Variants in ARHGAP28 observed in about 807,000 individuals in gnomAD.
The protein encoded by ARHGAP28 is rho GTPase-activating protein 28.
Under a neutral mutation model 90.7 loss-of-function variants are expected in ARHGAP28, and 56 were observed. The observed-to-expected ratio is 0.62, with a 90% CI of 0.50 to 0.77. ARHGAP28 has a LOEUF of 0.77. Among genes scored for constraint, ARHGAP28 ranks in the 30% least tolerant of loss-of-function variants. The pLI is 0.00. For synonymous variants in ARHGAP28, 308 were observed against 323.3 expected, an observed-to-expected ratio of 0.95 and a Z score of 0.51; for missense variants, 869 against 900.9, an observed-to-expected ratio of 0.96 and a Z score of 0.45.
chr18:6,740,557 C>A (rs377406993), intron 1 of ARHGAP28, among the ~76,000 whole-genome samples: 69 of 152,180 alleles, frequency 4.5e-4, no homozygotes, highest in Middle Eastern at 6.8e-3. Flanking sequence ...AGGCTCTGGG[C>A]CCTTGTGTTA....
At position 6,729,929 on chromosome 18, in the gene ARHGAP28, C is replaced by T; in HGVS notation, c.108C>T (p.Ser36=). The change falls in exon 1 of 18, where the codon AGC becomes AGT. Residue 36 remains serine, a synonymous_variant. Transcript: ENST00000383472. The stretch of plus-strand genomic sequence containing the variant: ...GCTGCGCGCCCCGCGCCGCAGCCAG[C>T]CACCCGCTCAGCAGGTACCCGGAGC... ...ESRCAPRAAA[S]HPLSRKSIPR... is the part of the protein sequence containing the mutation. The T allele has an allele frequency of 7.2e-7, 1 of 1,391,068 alleles. No individual in the cohort carries two copies. The highest frequency in any genetic ancestry group is 3.1e-5 in the East Asian group (1 of 32,530). The allele number at this position is 1,391,068 out of a possible 1,614,324, so 86.2% of individuals were successfully genotyped here. A position where few individuals can be genotyped will look rare whatever the true frequency, so the allele number is the denominator to read the frequency against.
rs372545858 is a variant in ARHGAP28 at position 6,868,241 on chromosome 18, G to A, written c.811+7G>A. ...GTTCAGAATGCGATAAGTGGTGAGC[G>A]GCATGCCTCCTGTTGAACTTCAGCT... On this transcript the variant is annotated splice_region_variant and intron_variant, in intron 6 of 17. Transcript: ENST00000383472. The A allele has an allele frequency of 1.1e-4, 182 of 1,612,698 alleles. No individual in the cohort carries two copies. The highest frequency in any genetic ancestry group is 1.5e-4 in the Non-Finnish European group (172 of 1,178,940).
chr18:6,827,572 CGACT>C (rs2056679154), intron 2 of ARHGAP28, among the ~76,000 whole-genome samples: 1 of 137,542 alleles, frequency 7.3e-6, no homozygotes, highest in African/African-American at 2.8e-5. Context: ...CCGGACGGGG[CGACT>C]GGCTGGGTGG....
intron 1 of ARHGAP28, among the ~76,000 whole-genome samples, chr18:6,778,660 A>G: frequency 6.6e-6 from 1 of 152,110 alleles, no homozygotes; most frequent in East Asian, 1.9e-4. Flanking sequence ...ATTGCTGAGG[A>G]TTTTCAACAG....
At chr18:6,898,821 G>A in intron 16 of ARHGAP28, 1 of 1,058,794 alleles carries the variant, frequency 9.4e-7, no homozygotes, top group Admixed American at 4.6e-5. Context: ...ACTCGTAAGT[G>A]GGAGCTAAGC....
At chr18:6,863,617 A>ATGT (rs2057014624) in intron 5 of ARHGAP28, among the ~76,000 whole-genome samples, 1 of 151,786 alleles carries the variant, frequency 6.6e-6, no homozygotes, top group Non-Finnish European at 1.5e-5. Flanking sequence ...ATATGTTGAA[A>ATGT]ACTCTGGGTT....
intron 2 of ARHGAP28, among the ~76,000 whole-genome samples, chr18:6,834,728 G>T (rs763551969): frequency 1.3e-5 from 2 of 152,158 alleles, no homozygotes; most frequent in Non-Finnish European, 2.9e-5. Context: ...ATAAAGGAAG[G>T]TGGACCTTTT....
intron 10 of ARHGAP28, among the ~76,000 whole-genome samples, chr18:6,880,120 G>A (rs971729212): frequency 2.0e-5 from 3 of 152,160 alleles, no homozygotes; most frequent in African/African-American, 7.2e-5. Context: ...AGTGGTACCA[G>A]GCGACTGATG....
intron 16 of ARHGAP28, chr18:6,898,244 T>G (rs1600301726): frequency 2.4e-6 from 1 of 413,726 alleles, no homozygotes; most frequent in Admixed American, 4.3e-5. Context: ...AGGTAGGGGG[T>G]GGAGGAAGGC....
intron 1 of ARHGAP28, among the ~76,000 whole-genome samples, chr18:6,742,984 G>A (rs1387692094): frequency 6.6e-6 from 1 of 152,096 alleles, no homozygotes; most frequent in Non-Finnish European, 1.5e-5. Context: ...GATGGTCTTT[G>A]CTATTGTGGG....
At chr18:6,841,640 G>A (rs980637112) in intron 3 of ARHGAP28, among the ~76,000 whole-genome samples, 1 of 151,808 alleles carries the variant, frequency 6.6e-6, no homozygotes, top group Non-Finnish European at 1.5e-5. Context: ...CTTGACTTCA[G>A]AGTTTGTAAG....
intron 2 of ARHGAP28, among the ~76,000 whole-genome samples, chr18:6,835,478 A>G (rs116687630): frequency 6.6e-6 from 1 of 152,200 alleles, no homozygotes; most frequent in Non-Finnish European, 1.5e-5. Context: ...ATATTTGCCT[A>G]GCTAAGAAAC....
chr18:6,883,239 ATT>A (rs34238467), intron 11 of ARHGAP28, among the ~76,000 whole-genome samples: 113,269 of 142,224 alleles, frequency 0.8, 45,103 homozygotes, highest in Non-Finnish European at 0.84. Context: ...TCAGGCACTA[ATT>A]TTTTTTTTTT....
chr18:6,787,016 T>A (rs1049437413), intron 1 of ARHGAP28, among the ~76,000 whole-genome samples: 2 of 151,924 alleles, frequency 1.3e-5, no homozygotes, highest in Non-Finnish European at 2.9e-5. Flanking sequence ...GGTCAGGAGT[T>A]TGAGACCAGC....
At chr18:6,871,679 T>C (rs1159655756) in intron 7 of ARHGAP28, among the ~76,000 whole-genome samples, 2 of 152,136 alleles carry the variant, frequency 1.3e-5, no homozygotes, top group African/African-American at 2.4e-5. Flanking sequence ...CTGTGCTGAT[T>C]ACGGTTGGAT....
intron 16 of ARHGAP28, among the ~76,000 whole-genome samples, chr18:6,903,642 C>A (rs1156609087): frequency 6.6e-6 from 1 of 151,772 alleles, no homozygotes; most frequent in Admixed American, 6.6e-5. Context: ...ATCAGTCTGG[C>A]CAACATGGTG....
At chr18:6,865,472 T>C (rs1408708768) in intron 5 of ARHGAP28, among the ~76,000 whole-genome samples, 2 of 152,192 alleles carry the variant, frequency 1.3e-5, no homozygotes, top group African/African-American at 2.4e-5. Flanking sequence ...CTGATCTTGG[T>C]TGCAGAACAA....
At chr18:6,847,905 C>T (rs150130024) in intron 3 of ARHGAP28, among the ~76,000 whole-genome samples, 1 of 152,236 alleles carries the variant, frequency 6.6e-6, no homozygotes, top group African/African-American at 2.4e-5. Flanking sequence ...AGGGAATCTA[C>T]GCAAGCTTCC....
chr18:6,837,019 A>T (rs73384521), intron 2 of ARHGAP28, among the ~76,000 whole-genome samples, 178 bp from the exon 3 acceptor site: 2 of 152,140 alleles, frequency 1.3e-5, no homozygotes, highest in Admixed American at 6.5e-5. Flanking sequence ...AATACTTTAA[A>T]ATTTGACTTA....
Sources: gnomAD v4.1 joint callset for allele counts (sites outside exome capture counted in the v4.1 genomes callset) on GRCh38, gnomAD v4.1.1 for gene constraint, MANE v1.5 for transcripts, NCBI Gene and HGNC (gene_info 2026-07-23, HGNC 2026-07-21) for gene names.